Variants in KRI1 observed in about 807,000 individuals in gnomAD.
KRI1 encodes protein KRI1 homolog.
Under a neutral mutation model 97.0 loss-of-function variants are expected in KRI1, and 83 were observed. That is an observed-to-expected ratio of 0.86 (90% confidence interval 0.72 to 1.03). The LOEUF (loss-of-function observed/expected upper bound fraction) is 1.03, where lower values mean the gene tolerates loss of function less well. KRI1 is among the 50% of genes least tolerant of loss of function. The pLI, the probability that KRI1 is intolerant of heterozygous loss-of-function variation, is 0.00. For synonymous variants in KRI1, 371 were observed against 363.5 expected, an observed-to-expected ratio of 1.02 and a Z score of -0.23; for missense variants, 916 against 928.4, an observed-to-expected ratio of 0.99 and a Z score of 0.17.
intron 3 of KRI1, among the ~76,000 whole-genome samples, 198 bp downstream of exon 3, chr19:10,564,731 C>G (rs572984929): frequency 2.0e-5 from 3 of 152,276 alleles, no homozygotes; most frequent in East Asian, 1.9e-4. Context: ...ATAGTCAAAA[C>G]AGATGAACTG....
rs199711761 is a variant in KRI1, at chr19:10,559,930, G to A, written c.807C>T (p.His269=). 28 of 1,610,866 alleles carry A rather than the reference G, an allele frequency of 1.7e-5. No homozygotes were observed. The highest frequency in any genetic ancestry group is 1.1e-4 in the African/African-American group (8 of 74,876). Residue 269 remains histidine (H), a synonymous_variant, in exon 10 of 19, where the codon CAC becomes CAT. Coordinates refer to ENST00000312962, the MANE Select transcript of KRI1 (RefSeq NM_023008.5). Reference sequence around the variant, plus strand: ...CCACAGCCAGCTGGACTGGGGGACCGTGGACCCTGAGGGGCAAGATGTGGT... The same window carrying A: ...CCACAGCCAGCTGGACTGGGGGACCATGGACCCTGAGGGGCAAGATGTGGT... The part of the protein sequence containing the change: ...EEEMEEEEGV[H]GPPVQLAVDD...
chr19:10,565,619 C>A, intron 2 of KRI1, 98 bp downstream of exon 2: 1 of 1,431,376 alleles, frequency 7.0e-7, no homozygotes, highest in Non-Finnish European at 9.2e-7. Flanking sequence ...CCGCAGGGCG[C>A]TCTGGGGTTG....
chr19:10,553,830 T>C lies in KRI1; in HGVS notation c.*121A>G. ...CCTCGGCCTCCCAAAGTGCTGGGAT[T>C]ACAGGCGTGCCTGGCCACAGATGAG... On this transcript the variant is annotated 3_prime_UTR_variant, in exon 19 of 19. Transcript: ENST00000312962. The C allele has an allele frequency of 1.1e-6, 1 of 902,428 alleles. No homozygotes were observed. The highest frequency in any genetic ancestry group is 2.7e-5 in the East Asian group (1 of 36,526). 55.9% of individuals were successfully genotyped at this position (902,428 alleles called of 1,614,324 possible).
At chr19:10,560,250 G>A (rs779316674) in intron 9 of KRI1, 62 bp downstream of exon 9, 64 of 1,513,690 alleles carry the variant, frequency 4.2e-5, no homozygotes, top group African/African-American at 3.6e-4. Flanking sequence ...GGCCAGTGCC[G>A]CCTGGGAATA....
At position 10,553,798 on chromosome 19, in the gene KRI1, C is replaced by A. The variant is rs1916397633; in HGVS notation, c.*153G>T. The A allele has an allele frequency of 3.9e-5, 26 of 665,690 alleles. No homozygotes were observed. The South Asian group carries it at 5.9e-4, about 15-fold the overall frequency. The allele number at this position is 665,690 out of a possible 1,614,324, so 41.2% of individuals were successfully genotyped here. A position where few individuals can be genotyped will look rare whatever the true frequency, so the allele number is the denominator to read the frequency against. On this transcript the variant is annotated 3_prime_UTR_variant, in exon 19 of 19. Transcript: ENST00000312962. ...TCTCCAATTCCTGGGCTCAAGTGAT[C>A]CTTTCACCTCGGCCTCCCAAAGTGC...
intron 13 of KRI1, 31 bp downstream of exon 13, chr19:10,558,119 GTCCCCAGTCCCCAA>G (rs757732879): frequency 1.2e-6 from 2 of 1,612,322 alleles, no homozygotes; most frequent in East Asian, 4.5e-5. Flanking sequence ...TTCAGTCCCA[GTCCCCAGTCCCCAA>G]TCCCCAGCCC....
At chr19:10,564,798 C>T (rs1916810151) in intron 3 of KRI1, 131 bp downstream of exon 3, 2 of 727,080 alleles carry the variant, frequency 2.8e-6, no homozygotes, top group African/African-American at 1.8e-5. Flanking sequence ...GAGATGCTAC[C>T]GTTAGATATA....
chr19:10,555,333 T>C lies in KRI1; in HGVS notation c.1634A>G (p.Asp545Gly), dbSNP rs1916472704. The change falls in exon 17 of 19, where the codon GAT becomes GGT. Residue 545 changes from aspartate (D) to glycine (G), a missense_variant. Coordinates refer to ENST00000312962, the MANE Select transcript of KRI1 (RefSeq NM_023008.5). Reference protein sequence around the residue: ...LSTEEILAADDKELNRWCSLK... With the variant: ...LSTEEILAADGKELNRWCSLK... ...GGAGCACCACCGGTTCAGCTCCTTA[T>C]CGTCAGCAGCGAGGATCTGCGTGGG... 2 of 1,612,912 alleles carry C rather than the reference T, an allele frequency of 1.2e-6. No homozygotes were observed. The highest frequency in any genetic ancestry group is 2.2e-5 in the East Asian group (1 of 44,804).
intron 8 of KRI1, 104 bp from the exon 9 acceptor site, chr19:10,560,552 T>C: frequency 1.2e-6 from 1 of 807,330 alleles, no homozygotes; most frequent in East Asian, 2.5e-5. Flanking sequence ...GTAGGTGACA[T>C]TAGCCCCATT....
Position 10,558,160 on chromosome 19 carries a change from T to C in KRI1, c.1270+4A>G, listed in dbSNP as rs1916577554. 6.2e-7 allele frequency: 1 copy of C among 1,614,016 alleles called. No individual in the cohort carries two copies. ...CCCCAGCCCAGTGCCCCAGCTGATC[T>C]CACCTTCAAGCCCTTCTTCTTCCTC... is the stretch of plus-strand genomic sequence containing the variant. On this transcript the variant is annotated splice_donor_region_variant and intron_variant, in intron 13 of 18. Transcript: ENST00000312962.
rs1290905460 is a variant in KRI1 at position 10,560,310 on chromosome 19, AC to A, written c.800+1del. On this transcript the variant is annotated splice_donor_variant, in intron 9 of 18. Transcript: ENST00000312962. LOFTEE classifies it high-confidence loss of function. The stretch of plus-strand genomic sequence containing the variant: ...AGGTCCTGGGGAGATGCAGTGGCTC[AC>A]CCCTCCTCTTCCTCCATTTCCTCTT... 6.2e-7 allele frequency: 1 copy of A among 1,601,026 alleles called. No homozygotes were observed. Among genetic ancestry groups the A allele is most frequent in the Non-Finnish European group, 8.5e-7 (1 of 1,174,096 alleles).
At position 10,561,715 on chromosome 19, in the gene KRI1, T is replaced by A. The variant is rs759127949; in HGVS notation, c.440A>T (p.Glu147Val). Reference sequence around the variant, plus strand: ...CTCCACATAACTTTGCGACGATGTCTCCTGCAGAGAGGGCCATAGGTCTCA... The same window carrying A: ...CTCCACATAACTTTGCGACGATGTCACCTGCAGAGAGGGCCATAGGTCTCA... ...DGETSNHRLQ[E>V]TSSQSYVEEQ... Residue 147 changes from glutamate to valine, a missense_variant and splice_region_variant, in exon 6 of 19, where the codon GAG becomes GTG. Physicochemically the swap from Glu to Val is moderately radical, Grantham distance 121. This residue lies in a region of KRI1 where 71 missense variants were observed against 108.1 expected (regional missense o/e 0.66). Coordinates refer to ENST00000312962, the MANE Select transcript of KRI1 (RefSeq NM_023008.5). 4 of 1,613,992 alleles carry A rather than the reference T, an allele frequency of 2.5e-6. No homozygotes were observed. Among genetic ancestry groups the A allele is most frequent in the Non-Finnish European group, 3.4e-6 (4 of 1,180,002 alleles).
At chr19:10,558,852 A>G (rs578123268) in intron 12 of KRI1, among the ~76,000 whole-genome samples, 26 of 151,600 alleles carry the variant, frequency 1.7e-4, no homozygotes, top group African/African-American at 6.3e-4. Flanking sequence ...TTAGAGGTGC[A>G]CGCCACTACA....
intron 2 of KRI1, 188 bp from the exon 3 acceptor site, chr19:10,565,222 G>C: frequency 3.2e-6 from 2 of 621,362 alleles, no homozygotes; most frequent in South Asian, 3.7e-5. Flanking sequence ...GCCACAGGTA[G>C]GTACAGGATA....
rs6146467 is a variant in KRI1 at position 10,555,236 on chromosome 19, C to CCCGCCCTGCCCGTAGCGCACCTGGCT, written c.1682+48_1682+49insAGCCAGGTGCGCTACGGGCAGGGCGG. 12 of 1,605,032 alleles carry CCCGCCCTGCCCGTAGCGCACCTGGCT rather than the reference C, an allele frequency of 7.5e-6. No homozygotes were observed. The Admixed American group carries it at 1.8e-4, about 25-fold the overall frequency. On this transcript the variant is annotated intron_variant, in intron 17 of 18. Transcript: ENST00000312962. The stretch of plus-strand genomic sequence containing the variant: ...GTGCTCTGGGAAGTGCCCGAGGCTG[C>CCCGCCCTGCCCGTAGCGCACCTGGCT]CCGCCCTGCCCCCTGCGCATGTGGC...
At position 10,554,200 on chromosome 19, in the gene KRI1, G is replaced by C. The variant is rs2144710139; in HGVS notation, c.1863C>G (p.Gly621=). Reference sequence around the variant, plus strand: ...GGGGACTCTCCGGCCCCATCAAGCTGCCATCAAGGGCTGGCAGCTGCCTCT... The same window carrying C: ...GGGGACTCTCCGGCCCCATCAAGCTCCCATCAAGGGCTGGCAGCTGCCTCT... ...GPQRQLPALD[G]SLMGPESPPA... The change falls in exon 19 of 19, where the codon GGC becomes GGG. Residue 621 remains glycine, a synonymous_variant. Coordinates refer to ENST00000312962, the MANE Select transcript of KRI1 (RefSeq NM_023008.5). The C allele has an allele frequency of 6.2e-7, 1 of 1,614,020 alleles. No individual in the cohort carries two copies. The highest frequency in any genetic ancestry group is 2.2e-5 in the East Asian group (1 of 44,878).
intron 4 of KRI1, 96 bp from the exon 5 acceptor site, chr19:10,561,941 G>C (rs1916716274): frequency 1.8e-6 from 2 of 1,134,484 alleles, no homozygotes; most frequent in Non-Finnish European, 2.6e-6. Flanking sequence ...CAGCTGGCGG[G>C]GGTCATCGGA....
At position 10,561,091 on chromosome 19, in the gene KRI1, G is replaced by T; in HGVS notation, c.586-11C>A. On this transcript the variant is annotated splice_polypyrimidine_tract_variant and intron_variant, in intron 7 of 18. Transcript: ENST00000312962. ...GGCCTCCTCCTGGGCCTGGGGGAAAGCTAGCACTGAGCATCCGCAGATGCC... is the reference window on the plus strand; with the variant it reads ...GGCCTCCTCCTGGGCCTGGGGGAAATCTAGCACTGAGCATCCGCAGATGCC... 6.2e-7 allele frequency: 1 copy of T among 1,614,008 alleles called. No individual in the cohort carries two copies. The highest frequency in any genetic ancestry group is 8.5e-7 in the Non-Finnish European group (1 of 1,179,876).
chr19:10,554,822 T>G (rs1187750871), intron 18 of KRI1, among the ~76,000 whole-genome samples: 1 of 151,880 alleles, frequency 6.6e-6, no homozygotes, highest in Non-Finnish European at 1.5e-5. Context: ...TCTTAATCAC[T>G]TTACGAGAAT....
Sources: allele counts gnomAD v4.1 joint callset (sites outside exome capture counted in the v4.1 genomes callset), GRCh38; gene constraint gnomAD v4.1.1; regional missense constraint gnomAD v4.1.1; transcripts MANE v1.5; gene names NCBI Gene and HGNC (gene_info 2026-07-23, HGNC 2026-07-21).